The following NOTCH2 variants were observed in gnomAD, a reference collection of about 807,000 sequenced individuals.
NOTCH2 encodes notch receptor 2.
Under a neutral mutation model 235.8 loss-of-function variants are expected in NOTCH2, and 29 were observed. The observed-to-expected ratio is 0.12, with a 90% CI of 0.09 to 0.17. NOTCH2 has a LOEUF of 0.17. Among genes scored for constraint, NOTCH2 ranks in the 10% least tolerant of loss-of-function variants. The pLI, the probability that NOTCH2 is intolerant of heterozygous loss-of-function variation, is 1.00. For missense variants in NOTCH2, 2,285 were observed against 3,150.2 expected (o/e 0.73, Z 6.57); for synonymous variants, 1,086 against 1,141.5 (o/e 0.95, Z 0.98).
rs74117573 is a variant in NOTCH2 at position 119,948,995 on chromosome 1, C to G, written c.2599+12G>C. The G allele has an allele frequency of 3.0e-3, 4,884 of 1,614,158 alleles. 93 individuals are homozygous for G. The African/African-American group carries it at 0.043, about 14-fold the overall frequency. ...ATGCATGTTCTTGGCTTCTCCACAC[C>G]CATGTTCTTACCTTGCCAGCCAGGA... is the stretch of plus-strand genomic sequence containing the variant. On this transcript the variant is annotated intron_variant, in intron 16 of 33. Transcript: ENST00000256646.
At chr1:119,978,155 G>A (rs971683972) in intron 5 of NOTCH2, among the ~76,000 whole-genome samples, 2 of 152,108 alleles carry the variant, frequency 1.3e-5, no homozygotes, top group African/African-American at 4.8e-5. Context: ...AAGTGTGTGA[G>A]GGAGTGTGTA....
chr1:119,966,099 A>C (rs1651124255), intron 9 of NOTCH2, among the ~76,000 whole-genome samples: 1 of 152,220 alleles, frequency 6.6e-6, no homozygotes, highest in African/African-American at 2.4e-5. Context: ...CCTACAACTA[A>C]GGCTTCTGTG....
rs1442246675 is a variant in NOTCH2 at position 119,923,852 on chromosome 1, A to T, written c.4644T>A (p.Val1548=). The stretch of plus-strand genomic sequence containing the variant: ...GTTCAGGTGGCATCAATACCACAAT[A>T]ACCAGGGTACCTTCTGCCAGGTTCT... ...QPENLAEGTL[V]IVVLMPPEQL... Residue 1548 remains valine, a synonymous_variant, in exon 26 of 34, where the codon GTT becomes GTA. Transcript: ENST00000256646. 2 of 1,614,120 alleles carry T rather than the reference A, an allele frequency of 1.2e-6. No individual in the cohort carries two copies. The highest frequency in any genetic ancestry group is 2.2e-5 in the South Asian group (2 of 91,072).
chr1:119,985,910 A>C (rs1374117964), intron 5 of NOTCH2, among the ~76,000 whole-genome samples: 1 of 152,190 alleles, frequency 6.6e-6, no homozygotes, highest in Non-Finnish European at 1.5e-5. Context: ...GTGGGAAAGT[A>C]TTAAAAGGGA....
At chr1:119,951,853 GA>G (rs1387217365) in intron 14 of NOTCH2, among the ~76,000 whole-genome samples, 3 of 152,176 alleles carry the variant, frequency 2.0e-5, no homozygotes, top group African/African-American at 7.2e-5. Context: ...TATAATTTGG[GA>G]TTTTACCTTT....
chr1:119,928,890 G>T (rs1553194768), intron 23 of NOTCH2, 86 bp downstream of exon 23: 13 of 1,108,920 alleles, frequency 1.2e-5, no homozygotes, highest in Non-Finnish European at 1.8e-5. Context: ...AGCTTCACTT[G>T]GGTCTGGGAC....
At chr1:119,923,454 C>G (rs2101158236) in intron 26 of NOTCH2, among the ~76,000 whole-genome samples, 183 bp downstream of exon 26, 1 of 152,300 alleles carries the variant, frequency 6.6e-6, no homozygotes, top group South Asian at 2.1e-4. Context: ...CACTTTTCAG[C>G]CAAGACGAAG....
At chr1:120,063,715 C>T (rs1199534823) in intron 1 of NOTCH2, among the ~76,000 whole-genome samples, 4 of 152,154 alleles carry the variant, frequency 2.6e-5, no homozygotes, top group Admixed American at 1.3e-4. Flanking sequence ...ACTTTGATTT[C>T]CCAGATTCAC....
intron 21 of NOTCH2, 79 bp downstream of exon 21, chr1:119,937,203 T>A: frequency 7.2e-7 from 1 of 1,388,664 alleles, no homozygotes; most frequent in Non-Finnish European, 1.0e-6. Context: ...TACAAGCAGC[T>A]AAATTCAATA....
At position 119,968,196 on chromosome 1, in the gene NOTCH2, T is replaced by A. The variant is rs782540275; in HGVS notation, c.1145A>T (p.Asn382Ile). The A allele has an allele frequency of 2.5e-6, 4 of 1,613,998 alleles. No individual in the cohort carries two copies. Among genetic ancestry groups the A allele is most frequent in the Non-Finnish European group, 3.4e-6 (4 of 1,179,930 alleles). ...ACACAGTGCCCCCTTGTGGCAAGGA[T>A]TGCTGATGCATGCATCATCCAGATG... ...LCHLDDACIS[N>I]PCHKGALCDT... The change falls in exon 7 of 34, where the codon AAT becomes ATT. Residue 382 changes from asparagine (N) to isoleucine (I), a missense_variant. Coordinates refer to ENST00000256646, the MANE Select transcript of NOTCH2 (RefSeq NM_024408.4).
chr1:119,988,170 C>A (rs1652094036), intron 4 of NOTCH2, among the ~76,000 whole-genome samples: 1 of 152,112 alleles, frequency 6.6e-6, no homozygotes, highest in Non-Finnish European at 1.5e-5. Context: ...GCATTTACAG[C>A]CTTGTGAGTG....
intron 17 of NOTCH2, among the ~76,000 whole-genome samples, chr1:119,944,361 C>A (rs193266555): frequency 4.4e-3 from 669 of 151,836 alleles, no homozygotes; most frequent in Non-Finnish European, 6.6e-3. Flanking sequence ...CGGTGAAACC[C>A]CATCTCTACT....
intron 1 of NOTCH2, among the ~76,000 whole-genome samples, chr1:120,040,970 G>A (rs1235037004): frequency 6.9e-6 from 1 of 144,928 alleles, no homozygotes; most frequent in Admixed American, 6.9e-5. Context: ...GAACCCGGGA[G>A]GCGGAGCTTG....
intron 10 of NOTCH2, 53 bp from the exon 11 acceptor site, chr1:119,963,860 AC>A: frequency 7.0e-7 from 1 of 1,430,830 alleles, no homozygotes; most frequent in Non-Finnish European, 9.9e-7. Context: ...GATATTCCAC[AC>A]CAGAACACAA....
At chr1:119,922,175 A>G in intron 28 of NOTCH2, 61 bp downstream of exon 28, 1 of 1,520,066 alleles carries the variant, frequency 6.6e-7, no homozygotes, top group East Asian at 2.3e-5. Context: ...TCAACAAGAT[A>G]TGCTTTTCTA....
chr1:119,963,874 G>A (rs2101137766), intron 10 of NOTCH2, 67 bp from the exon 11 acceptor site: 3 of 1,330,802 alleles, frequency 2.3e-6, no homozygotes, highest in Non-Finnish European at 3.2e-6. Context: ...GAACACAAGT[G>A]TAGCTACATC....
intron 23 of NOTCH2, among the ~76,000 whole-genome samples, chr1:119,927,064 C>T (rs891870447): frequency 1.2e-4 from 19 of 152,228 alleles, no homozygotes; most frequent in South Asian, 2.1e-4. Flanking sequence ...GAATTTTCAT[C>T]TGTGATACCT....
chr1:119,962,598 T>C (rs781793415), intron 11 of NOTCH2, among the ~76,000 whole-genome samples: 1 of 152,158 alleles, frequency 6.6e-6, no homozygotes, highest in Non-Finnish European at 1.5e-5. Flanking sequence ...TTTGAAGAAA[T>C]GGATTTGGAA....
intron 28 of NOTCH2, 75 bp downstream of exon 28, chr1:119,922,161 T>G: frequency 6.7e-7 from 1 of 1,481,916 alleles, no homozygotes; most frequent in Non-Finnish European, 9.4e-7. Flanking sequence ...TTTAAAATCA[T>G]GATTCAACAA....
Sources: gnomAD v4.1 joint callset for allele counts (sites outside exome capture counted in the v4.1 genomes callset) on GRCh38, gnomAD v4.1.1 for gene constraint, MANE v1.5 for transcripts, NCBI Gene and HGNC (gene_info 2026-07-23, HGNC 2026-07-21) for gene names.